ZNF791: variants seen among roughly 807,000 people sequenced by gnomAD.
The protein encoded by ZNF791 is zinc finger protein 791.
In ZNF791, 4 loss-of-function variants were observed where a neutral mutation model predicts 11.5. The observed-to-expected ratio is 0.35, with a 90% CI of 0.17 to 0.80. The LOEUF is 0.80. Ranked by LOEUF, ZNF791 falls within the 30% of genes least tolerant of loss-of-function variation. ZNF791 has a pLI of 0.53. For missense variants in ZNF791, 559 were observed against 699.4 expected (o/e 0.80, Z 2.26); for synonymous variants, 212 against 228.1 (o/e 0.93, Z 0.64).
In ZNF791 at chr19:12,629,498, A is replaced by G. The variant is rs963083980; in HGVS notation, c.*238A>G. Reference sequence around the variant, plus strand: ...ACCTAAAACATTTCTATCAACCGCAATTTAGTAGCAGTAGTAACACCATAG... The same window carrying G: ...ACCTAAAACATTTCTATCAACCGCAGTTTAGTAGCAGTAGTAACACCATAG... On this transcript the variant is annotated 3_prime_UTR_variant, in exon 4 of 4. Coordinates refer to ENST00000343325, the MANE Select transcript of ZNF791 (RefSeq NM_153358.3). 21 of 337,350 alleles carry G rather than the reference A, an allele frequency of 6.2e-5. No individual in the cohort carries two copies. Among genetic ancestry groups the G allele is most frequent in the African/African-American group, 4.4e-4 (21 of 47,238 alleles). The allele number at this position is 337,350 out of a possible 1,614,324, so 20.9% of individuals were successfully genotyped here. A position where few individuals can be genotyped will look rare whatever the true frequency, so the allele number is the denominator to read the frequency against.
chr19:12,616,027 C>T (rs2023241433), intron 1 of ZNF791, among the ~76,000 whole-genome samples: 1 of 152,140 alleles, frequency 6.6e-6, no homozygotes, highest in Non-Finnish European at 1.5e-5. Context: ...AGTAGACATA[C>T]CATTTTCCAT....
At chr19:12,618,593 T>C (rs886512798) in intron 1 of ZNF791, among the ~76,000 whole-genome samples, 1 of 151,606 alleles carries the variant, frequency 6.6e-6, no homozygotes, top group Admixed American at 6.6e-5. Flanking sequence ...TGAAACCCTG[T>C]CTCTACTAAA....
In ZNF791 at chr19:12,628,600, G is replaced by A. The variant is rs772324375; in HGVS notation, c.1071G>A (p.Lys357=). ...TGCATACTGGAGAGAAACCCTATAA[G>A]TGTAAAGAATGTGGGAAAGCCTTTA... ...VRVHTGEKPY[K]CKECGKAFSR... is the part of the protein sequence containing the mutation. Residue 357 remains lysine, a synonymous_variant, in exon 4 of 4, where the codon AAG becomes AAA. Coordinates refer to ENST00000343325, the MANE Select transcript of ZNF791 (RefSeq NM_153358.3). 1.9e-5 allele frequency: 31 copies of A among 1,596,084 alleles called. No individual in the cohort carries two copies. Among genetic ancestry groups the A allele is most frequent in the Non-Finnish European group, 2.6e-5 (31 of 1,172,252 alleles).
chr19:12,620,402 C>G (rs1229569480), intron 1 of ZNF791, among the ~76,000 whole-genome samples: 7 of 151,178 alleles, frequency 4.6e-5, no homozygotes, highest in Non-Finnish European at 3.0e-5. Flanking sequence ...TCTCGAACTC[C>G]TGGGCTCAAA....
chr19:12,621,713 T>TTGGGG (rs1568288228), intron 1 of ZNF791, among the ~76,000 whole-genome samples: 1 of 76,190 alleles, frequency 1.3e-5, no homozygotes, highest in African/African-American at 4.7e-5. Flanking sequence ...AACCTCCACC[T>TTGGGG]CGGTGGGGGG....
rs2023146132 is a variant in ZNF791 at position 12,610,953 on chromosome 19, T to C, written c.-127T>C. On this transcript the variant is annotated 5_prime_UTR_variant, in exon 1 of 4. Coordinates refer to ENST00000343325, the MANE Select transcript of ZNF791 (RefSeq NM_153358.3). ...GCTACGTCACTGTGCGATCGGGTTGTGCTTAGCTTGGGGTCTCCTGGCCCC... is the reference window on the plus strand; with the variant it reads ...GCTACGTCACTGTGCGATCGGGTTGCGCTTAGCTTGGGGTCTCCTGGCCCC... 2 of 1,311,586 alleles carry C rather than the reference T, an allele frequency of 1.5e-6. No homozygotes were observed. Among genetic ancestry groups the C allele is most frequent in the South Asian group, 1.2e-5 (1 of 81,920 alleles). 81.2% of individuals were successfully genotyped at this position (1,311,586 alleles called of 1,614,324 possible).
rs781098128 is a variant in ZNF791 at position 12,629,229 on chromosome 19, T to TA, written c.1707dup (p.His570ThrfsTer12). The TA allele has an allele frequency of 1.3e-6, 2 of 1,497,070 alleles. No homozygotes were observed. Among genetic ancestry groups the TA allele is most frequent in the South Asian group, 2.9e-5 (2 of 69,826 alleles). The allele number at this position is 1,497,070 out of a possible 1,614,324, so 92.7% of individuals were successfully genotyped here. A position where few individuals can be genotyped will look rare whatever the true frequency, so the allele number is the denominator to read the frequency against. On this transcript the variant is annotated frameshift_variant, in exon 4 of 4. Transcript: ENST00000343325. LOFTEE classifies it low-confidence loss of function (END_TRUNC). ...AAAGCCTTCAGTGTGTCCACATCCT[T>TA]AAAAAAACATATGAGAATGCACAAT...
At chr19:12,612,292 G>A (rs1192232883) in intron 1 of ZNF791, 1 of 207,156 alleles carries the variant, frequency 4.8e-6, no homozygotes, top group African/African-American at 2.4e-5. Context: ...TCCACCCTCA[G>A]CATCCCAAAG....
At chr19:12,623,873 G>GGGA (rs5827159) in intron 2 of ZNF791, 47 bp downstream of exon 2, 333,924 of 987,974 alleles carry the variant, frequency 0.34, 95,285 homozygotes, top group Non-Finnish European at 0.39. Context: ...TTTTTTTTGG[G>GGGA]GGGGGACAGA....
At chr19:12,622,426 A>C (rs28895294) in intron 1 of ZNF791, among the ~76,000 whole-genome samples, 1 of 146,764 alleles carries the variant, frequency 6.8e-6, no homozygotes, top group Non-Finnish European at 1.5e-5. Context: ...AAAAAAAAAA[A>C]AAAAAACCTC....
chr19:12,627,120 G>A (rs559920016), intron 3 of ZNF791, among the ~76,000 whole-genome samples: 1 of 151,158 alleles, frequency 6.6e-6, no homozygotes, highest in Non-Finnish European at 1.5e-5. Context: ...GGTCAAGGCT[G>A]CAGTGAGCCA....
chr19:12,613,138 T>G (rs2023187926), intron 1 of ZNF791, among the ~76,000 whole-genome samples: 1 of 151,960 alleles, frequency 6.6e-6, no homozygotes, highest in African/African-American at 2.4e-5. Flanking sequence ...TTTTGTATTT[T>G]GAGTAGAGGC....
In ZNF791 at chr19:12,623,878, G is replaced by GGT; in HGVS notation, c.130+52_130+53insGT. The GGT allele has an allele frequency of 1.4e-5, 13 of 917,950 alleles. No individual in the cohort carries two copies. In the South Asian group the frequency reaches 2.1e-4, roughly 14 times the overall value. 56.9% of individuals were successfully genotyped at this position (917,950 alleles called of 1,614,324 possible). On this transcript the variant is annotated intron_variant, in intron 2 of 3. Transcript: ENST00000343325. ...TTCTTTTTTTTTTTTTTTGGGGGGG[G>GGT]ACAGAGTTTCACTATTGTCCAGGCT...
chr19:12,620,639 C>G (rs2023324709), intron 1 of ZNF791, among the ~76,000 whole-genome samples: 1 of 151,376 alleles, frequency 6.6e-6, no homozygotes, highest in African/African-American at 2.4e-5. Context: ...CTGTGTGGAT[C>G]TTTTAACGTA....
At chr19:12,616,563 C>T (rs1042196323) in intron 1 of ZNF791, among the ~76,000 whole-genome samples, 2 of 152,256 alleles carry the variant, frequency 1.3e-5, no homozygotes, top group East Asian at 1.9e-4. Context: ...GTGGGTGGCA[C>T]ACCCCTGTAG....
rs778422937 is a variant in ZNF791, at chr19:12,623,860, T to C, written c.130+34T>C. ...GACATCATTTTTTCTTTTTTCTTTT[T>C]TTTTTTTTTTGGGGGGGGACAGAGT... On this transcript the variant is annotated intron_variant, in intron 2 of 3. Transcript: ENST00000343325. The C allele has an allele frequency of 5.5e-6, 6 of 1,084,820 alleles. 1 individual carries two copies. Among genetic ancestry groups the C allele is most frequent in the African/African-American group, 1.6e-5 (1 of 61,420 alleles). The allele number at this position is 1,084,820 out of a possible 1,614,324, so 67.2% of individuals were successfully genotyped here. A position where few individuals can be genotyped will look rare whatever the true frequency, so the allele number is the denominator to read the frequency against.
At chr19:12,625,399 G>T (rs2023410624) in intron 3 of ZNF791, among the ~76,000 whole-genome samples, 1 of 151,806 alleles carries the variant, frequency 6.6e-6, no homozygotes, top group South Asian at 2.1e-4. Flanking sequence ...GGGATTACAG[G>T]CACGAGCCAC....
rs1051381342 is a variant in ZNF791 at position 12,620,754 on chromosome 19, C to CTTTTTTTT, written c.4-2929_4-2922dup. Among the ~76,000 whole-genome samples the CTTTTTTTT allele has an allele frequency of 3.1e-4, 26 of 83,450 alleles. 2 individuals carry two copies. Among genetic ancestry groups the CTTTTTTTT allele is most frequent in the African/African-American group, 1.0e-3 (19 of 18,666 alleles). The allele number at this position is 83,450 out of a possible 152,430, so 54.7% of individuals were successfully genotyped here. On this transcript the variant is annotated intron_variant, in intron 1 of 3. Coordinates refer to ENST00000343325, the MANE Select transcript of ZNF791 (RefSeq NM_153358.3). Reference sequence around the variant, plus strand: ...AAACTGGAGAAAGGGGATTTATGTTCTTTTTTTTTTTTTTTTTTTTTTTTG... The same window carrying CTTTTTTTT: ...AAACTGGAGAAAGGGGATTTATGTTCTTTTTTTTTTTTTTTTTTTTTTTTTTTTTTTTG...
At chr19:12,624,301 C>T (rs2023396585) in intron 2 of ZNF791, among the ~76,000 whole-genome samples, 1 of 150,648 alleles carries the variant, frequency 6.6e-6, no homozygotes, top group Admixed American at 6.6e-5. Flanking sequence ...TACAGGTGCC[C>T]ACCACCATGC....
Sources: gnomAD v4.1 joint callset for allele counts (sites outside exome capture counted in the v4.1 genomes callset) on GRCh38, gnomAD v4.1.1 for gene constraint, MANE v1.5 for transcripts, NCBI Gene and HGNC (gene_info 2026-07-23, HGNC 2026-07-21) for gene names.